DOCK4: variants seen among roughly 807,000 people sequenced by gnomAD.
DOCK4 encodes the protein dedicator of cytokinesis 4, also known as dedicator of cytokinesis protein 4.
DOCK4 carries 97 observed loss-of-function variants against 268.1 expected under a neutral mutation model. That is an observed-to-expected ratio of 0.36 (90% CI 0.31 to 0.43). DOCK4 has a LOEUF of 0.43. Among genes scored for constraint, DOCK4 ranks in the 20% least tolerant of loss-of-function variants. The pLI is 1.00. For synonymous variants in DOCK4, 954 were observed against 887.2 expected (o/e 1.08, Z -1.34); for missense variants, 2,145 against 2,455.7 (o/e 0.87, Z 2.67).
At chr7:111,961,976 T>C (rs1236701147) in intron 8 of DOCK4, among the ~76,000 whole-genome samples, 3 of 152,208 alleles carry the variant, frequency 2.0e-5, no homozygotes, top group African/African-American at 2.4e-5. Flanking sequence ...ATATACTATA[T>C]GCTAGAAGTT....
chr7:111,973,623 T>C (rs1797905347), intron 8 of DOCK4, among the ~76,000 whole-genome samples: 1 of 152,144 alleles, frequency 6.6e-6, no homozygotes, highest in Admixed American at 6.5e-5. Context: ...AAATGAATAT[T>C]TGATGATGTT....
At chr7:112,013,115 G>A (rs1322387626) in intron 1 of DOCK4, among the ~76,000 whole-genome samples, 6 of 152,000 alleles carry the variant, frequency 3.9e-5, no homozygotes, top group African/African-American at 4.8e-5. Context: ...CATAATATTC[G>A]GTCCTGTATC....
intron 30 of DOCK4, among the ~76,000 whole-genome samples, chr7:111,797,261 C>T (rs905307886): frequency 2.0e-5 from 3 of 152,128 alleles, no homozygotes; most frequent in African/African-American, 7.2e-5. Flanking sequence ...GGAAAAAGTT[C>T]CCCAAAATTA....
At chr7:111,765,586 C>T (rs533309594) in intron 38 of DOCK4, among the ~76,000 whole-genome samples, 1 of 152,162 alleles carries the variant, frequency 6.6e-6, no homozygotes, top group Non-Finnish European at 1.5e-5. Context: ...ATTTTCTTCA[C>T]AATCAAGTAG....
intron 49 of DOCK4, 135 bp from the exon 50 acceptor site, chr7:111,737,124 C>CAAAT (rs1795555739): frequency 1.5e-6 from 1 of 667,336 alleles, no homozygotes; most frequent in Admixed American, 3.1e-5. Context: ...AGCCTAGGAA[C>CAAAT]AAATAATTTA....
chr7:111,785,267 A>C (rs1799086624), intron 32 of DOCK4, among the ~76,000 whole-genome samples: 1 of 152,200 alleles, frequency 6.6e-6, no homozygotes, highest in African/African-American at 2.4e-5. Flanking sequence ...TTTCTTTTAA[A>C]AACCTCTGAA....
chr7:112,065,383 C>T (rs1421434054), intron 1 of DOCK4, among the ~76,000 whole-genome samples: 1 of 151,976 alleles, frequency 6.6e-6, no homozygotes, highest in Non-Finnish European at 1.5e-5. Context: ...CCCTGACCAC[C>T]GTAGCGAAAG....
At chr7:111,876,850 G>GACATGC (rs1333128839) in intron 17 of DOCK4, among the ~76,000 whole-genome samples, 180 bp downstream of exon 17, 1 of 146,380 alleles carries the variant, frequency 6.8e-6, no homozygotes, top group Non-Finnish European at 1.5e-5. Context: ...CTTCTTAAAT[G>GACATGC]ACATGCATTC....
At chr7:111,982,859 G>C (rs1380588644) in intron 7 of DOCK4, among the ~76,000 whole-genome samples, 1 of 152,166 alleles carries the variant, frequency 6.6e-6, no homozygotes, top group Non-Finnish European at 1.5e-5. Flanking sequence ...TGTTCAATAA[G>C]TTAAATAAAT....
chr7:111,869,315 T>C, intron 21 of DOCK4: 1 of 424,936 alleles, frequency 2.4e-6, no homozygotes, highest in South Asian at 2.2e-5. Context: ...CTCCTGCTCA[T>C]CTTAGACTTC....
At chr7:111,976,159 A>T (rs868349970) in intron 8 of DOCK4, among the ~76,000 whole-genome samples, 9,097 of 69,050 alleles carry the variant, frequency 0.13, 1,283 homozygotes, top group African/African-American at 0.18. Flanking sequence ...AAAAAAAAAA[A>T]AAATATATAT....
At chr7:112,179,971 G>T (rs183436133) in intron 1 of DOCK4, among the ~76,000 whole-genome samples, 72 of 152,214 alleles carry the variant, frequency 4.7e-4, no homozygotes, top group African/African-American at 1.7e-3. Flanking sequence ...GGGGTGGAGT[G>T]GGGGTGGGTG....
chr7:112,013,497 C>A (rs1223117383), intron 1 of DOCK4, among the ~76,000 whole-genome samples: 2 of 152,186 alleles, frequency 1.3e-5, no homozygotes, highest in African/African-American at 2.4e-5. Flanking sequence ...CTAGCTCCTG[C>A]ATAGTTTTCC....
Position 111,863,579 on chromosome 7 carries a change from G to C in DOCK4, c.2281-15C>G, listed in dbSNP as rs1404719960. 1 of 1,581,426 alleles carries C rather than the reference G, an allele frequency of 6.3e-7. No homozygotes were observed. Among genetic ancestry groups the C allele is most frequent in the Non-Finnish European group, 8.6e-7 (1 of 1,161,622 alleles). Reference sequence around the variant, plus strand: ...AGAAACACAGCCTTAAAAAGAAGAAGACATTTAAATCAACTCCCAGATACG... The same window carrying C: ...AGAAACACAGCCTTAAAAAGAAGAACACATTTAAATCAACTCCCAGATACG... On this transcript the variant is annotated splice_polypyrimidine_tract_variant and intron_variant, in intron 22 of 52. Coordinates refer to ENST00000428084, the MANE Select transcript of DOCK4 (RefSeq NM_001363540.2).
intron 8 of DOCK4, among the ~76,000 whole-genome samples, chr7:111,956,749 C>A (rs922112531): frequency 6.6e-6 from 1 of 152,110 alleles, no homozygotes; most frequent in African/African-American, 2.4e-5. Context: ...CTGCCTTTTC[C>A]CTTTAAATAT....
chr7:112,181,772 G>C (rs926958393), intron 1 of DOCK4, among the ~76,000 whole-genome samples: 1 of 152,042 alleles, frequency 6.6e-6, no homozygotes, highest in African/African-American at 2.4e-5. Context: ...AGGATCACAG[G>C]ATTGAAATGG....
intron 1 of DOCK4, among the ~76,000 whole-genome samples, chr7:112,029,600 T>C (rs1401025461): frequency 6.6e-6 from 1 of 152,198 alleles, no homozygotes; most frequent in Non-Finnish European, 1.5e-5. Flanking sequence ...ATTTAAAGGA[T>C]AGAACTTGTC....
chr7:111,759,404 T>C (rs1460144824), intron 40 of DOCK4, among the ~76,000 whole-genome samples: 1 of 152,234 alleles, frequency 6.6e-6, no homozygotes, highest in African/African-American at 2.4e-5. Flanking sequence ...AGGAGTATCA[T>C]ATTAACTTGT....
chr7:112,000,449 T>G (rs62474283), intron 3 of DOCK4, 45 bp downstream of exon 3: 228,626 of 1,175,800 alleles, frequency 0.19, 26,270 homozygotes, highest in East Asian at 0.46. Flanking sequence ...ATAACTATCT[T>G]TCTTAATAAA....
Sources: allele counts gnomAD v4.1 joint callset (sites outside exome capture counted in the v4.1 genomes callset), GRCh38; gene constraint gnomAD v4.1.1; transcripts MANE v1.5; gene names NCBI Gene and HGNC (gene_info 2026-07-23, HGNC 2026-07-21).